Variants in ADCY8 observed in about 807,000 individuals in gnomAD.
The protein encoded by ADCY8 is adenylate cyclase 8.
A neutral mutation model predicts 119.7 loss-of-function variants in ADCY8; 51 were observed. That is an observed-to-expected ratio of 0.43 (90% confidence interval 0.34 to 0.54). The LOEUF (loss-of-function observed/expected upper bound fraction) is 0.54, where lower values mean the gene tolerates loss of function less well. ADCY8 is among the 20% of genes least tolerant of loss of function. ADCY8 has a pLI of 0.03. For missense variants in ADCY8, 1,383 were observed against 1,598.8 expected (o/e 0.87, Z 2.30); for synonymous variants, 665 against 651.0 (o/e 1.02, Z -0.33).
At chr8:131,025,881 A>G (rs1823806767) in intron 1 of ADCY8, among the ~76,000 whole-genome samples, 1 of 152,064 alleles carries the variant, frequency 6.6e-6, no homozygotes. Context: ...AAAGTCCTTA[A>G]CTCAGTTTGA....
intron 12 of ADCY8, among the ~76,000 whole-genome samples, chr8:130,832,382 A>T (rs1184535536): frequency 6.6e-6 from 1 of 152,140 alleles, no homozygotes; most frequent in Non-Finnish European, 1.5e-5. Context: ...TTTACATTTT[A>T]TCTGTTTTCC....
intron 5 of ADCY8, among the ~76,000 whole-genome samples, chr8:130,936,520 C>T (rs1820791863): frequency 6.6e-6 from 1 of 152,156 alleles, no homozygotes; most frequent in Admixed American, 6.5e-5. Context: ...TGCAGCACAT[C>T]CTGGTTTCTG....
intron 9 of ADCY8, among the ~76,000 whole-genome samples, chr8:130,856,667 C>T (rs1426170611): frequency 1.3e-5 from 2 of 152,198 alleles, no homozygotes; most frequent in East Asian, 3.8e-4. Flanking sequence ...TATCGACATA[C>T]ATAGCATATA....
At chr8:130,998,421 C>T (rs987321411) in intron 1 of ADCY8, among the ~76,000 whole-genome samples, 2 of 152,154 alleles carry the variant, frequency 1.3e-5, no homozygotes, top group Non-Finnish European at 2.9e-5. Context: ...TTCAGCCCAG[C>T]ATGCGGCCCA....
rs376906566 is a variant in ADCY8 at position 130,827,632 on chromosome 8, C to A, written c.2676-6212G>T. 3.0e-4 allele frequency among the ~76,000 whole-genome samples: 46 copies of A among 152,248 alleles called. 1 individual carries two copies. The East Asian group carries it at 5.6e-3, about 19-fold the overall frequency. The stretch of plus-strand genomic sequence containing the variant: ...CTTTCTCTTTCTTTTGTCTATTAAA[C>A]CCCACTCCTAAACCACTTGTGTATG... On this transcript the variant is annotated intron_variant, in intron 12 of 17. Transcript: ENST00000286355.
intron 8 of ADCY8, among the ~76,000 whole-genome samples, chr8:130,876,346 C>T (rs901071731): frequency 6.6e-6 from 1 of 152,138 alleles, no homozygotes; most frequent in African/African-American, 2.4e-5. Flanking sequence ...TGACCACTCC[C>T]GGCCGGGTTT....
At chr8:130,949,932 C>T (rs1375833214) in intron 3 of ADCY8, among the ~76,000 whole-genome samples, 2 of 152,204 alleles carry the variant, frequency 1.3e-5, no homozygotes, top group Admixed American at 6.5e-5. Flanking sequence ...ACTCAAGCAT[C>T]TAAATCAGTG....
intron 4 of ADCY8, among the ~76,000 whole-genome samples, chr8:130,940,025 C>T (rs999196340): frequency 1.3e-5 from 2 of 152,176 alleles, no homozygotes; most frequent in African/African-American, 4.8e-5. Flanking sequence ...GAGGTGAAAG[C>T]ACTTTGGCAA....
intron 5 of ADCY8, among the ~76,000 whole-genome samples, chr8:130,932,737 C>T (rs1820668143): frequency 1.3e-5 from 2 of 152,158 alleles, no homozygotes; most frequent in African/African-American, 4.8e-5. Flanking sequence ...AGTCCTATTT[C>T]ATTAACTGGC....
intron 7 of ADCY8, among the ~76,000 whole-genome samples, chr8:130,899,697 G>T (rs770956912): frequency 7.9e-5 from 12 of 152,126 alleles, no homozygotes; most frequent in South Asian, 2.1e-4. Context: ...TAGTACACTT[G>T]AGTATCTGTT....
At chr8:130,999,032 C>T (rs768593076) in intron 1 of ADCY8, among the ~76,000 whole-genome samples, 4 of 152,142 alleles carry the variant, frequency 2.6e-5, no homozygotes, top group East Asian at 1.9e-4. Context: ...CTGATGATCA[C>T]GTATAACCCT....
At chr8:130,792,452 G>A (rs1815452710) in intron 15 of ADCY8, among the ~76,000 whole-genome samples, 1 of 152,116 alleles carries the variant, frequency 6.6e-6, no homozygotes, top group Non-Finnish European at 1.5e-5. Context: ...GTATGGAATT[G>A]CTTACATGAT....
At chr8:130,783,827 G>T (rs1165380480) in intron 16 of ADCY8, 22 bp from the exon 17 acceptor site, 2 of 1,579,786 alleles carry the variant, frequency 1.3e-6, no homozygotes, top group African/African-American at 2.7e-5. Context: ...ATGAGGAGAA[G>T]AAATCATTTA....
chr8:130,866,755 A>G (rs895524508), intron 9 of ADCY8, among the ~76,000 whole-genome samples: 1 of 152,200 alleles, frequency 6.6e-6, no homozygotes, highest in Non-Finnish European at 1.5e-5. Flanking sequence ...CTCAGATATT[A>G]CACAGACATG....
intron 15 of ADCY8, among the ~76,000 whole-genome samples, chr8:130,795,022 G>A (rs767515314): frequency 2.6e-5 from 4 of 152,152 alleles, no homozygotes; most frequent in African/African-American, 4.8e-5. Flanking sequence ...TCAGGAGTTC[G>A]AGACCAGCCT....
chr8:130,814,170 T>A lies in ADCY8; in HGVS notation c.2812A>T (p.Asn938Tyr). The A allele has an allele frequency of 6.2e-7, 1 of 1,614,152 alleles. No homozygotes were observed. The highest frequency in any genetic ancestry group is 1.3e-5 in the African/African-American group (1 of 75,018). ...LWRVQAKEEI[N>Y]EMKELREHNE... ...TGTTCCCTCAGCTCCTTCATCTCATTGATCTCCTCTTTGGCCTGTACTCGC... is the reference window on the plus strand; with the variant it reads ...TGTTCCCTCAGCTCCTTCATCTCATAGATCTCCTCTTTGGCCTGTACTCGC... The change falls in exon 14 of 18, where the codon AAT (asparagine) becomes TAT (tyrosine). Residue 938 changes from asparagine (N) to tyrosine (Y), a missense_variant. This residue lies in a region of ADCY8 where 928 missense variants were observed against 1,163.5 expected (regional missense o/e 0.80). Coordinates refer to ENST00000286355, the MANE Select transcript of ADCY8 (RefSeq NM_001115.3).
intron 2 of ADCY8, among the ~76,000 whole-genome samples, chr8:130,966,328 C>T (rs1024030079): frequency 1.7e-4 from 26 of 152,136 alleles, no homozygotes; most frequent in African/African-American, 6.3e-4. Flanking sequence ...AAGAACTCTG[C>T]ATGGGTCAAA....
intron 3 of ADCY8, among the ~76,000 whole-genome samples, chr8:130,944,968 G>T (rs1425883712): frequency 6.6e-6 from 1 of 152,154 alleles, no homozygotes; most frequent in East Asian, 1.9e-4. Flanking sequence ...ATATTGGGGG[G>T]TGACCAGCCA....
At chr8:130,838,140 A>C (rs1817043062) in intron 11 of ADCY8, among the ~76,000 whole-genome samples, 1 of 152,206 alleles carries the variant, frequency 6.6e-6, no homozygotes, top group Non-Finnish European at 1.5e-5. Flanking sequence ...TAGCTGGCTA[A>C]TTTATGCATC....
Sources: gnomAD v4.1 joint callset for allele counts (sites outside exome capture counted in the v4.1 genomes callset) on GRCh38, gnomAD v4.1.1 for gene constraint, gnomAD v4.1.1 regional missense constraint, MANE v1.5 for transcripts, NCBI Gene and HGNC (gene_info 2026-07-23, HGNC 2026-07-21) for gene names.